The following ATP13A4 variants were observed in gnomAD, a reference collection of about 807,000 sequenced individuals.
ATP13A4 encodes ATPase 13A4.
Under a neutral mutation model 142.5 loss-of-function variants are expected in ATP13A4, and 114 were observed. That is an observed-to-expected ratio of 0.80 (90% CI 0.69 to 0.93). The LOEUF (loss-of-function observed/expected upper bound fraction) is 0.93, where lower values mean the gene tolerates loss of function less well. Among genes scored for constraint, ATP13A4 ranks in the 40% least tolerant of loss-of-function variants. The pLI, the probability that ATP13A4 is intolerant of heterozygous loss-of-function variation, is 0.00. For missense variants in ATP13A4, 1,392 were observed against 1,454.0 expected (o/e 0.96, Z 0.69); for synonymous variants, 488 against 514.8 (o/e 0.95, Z 0.70).
intron 2 of ATP13A4, among the ~76,000 whole-genome samples, chr3:193,509,092 G>A (rs1210319708): frequency 1.3e-5 from 2 of 151,838 alleles, no homozygotes; most frequent in African/African-American, 2.4e-5. Context: ...AAAAAGATTC[G>A]GGACTTAGAG....
chr3:193,399,527 G>C lies in ATP13A4; in HGVS notation c.*3125C>G, dbSNP rs1012318601. Reference sequence around the variant, plus strand: ...CCCTCCAGAGCCCATCCTCCCATGAGTGTCTGTCTGGTATTCTGTGTGGGT... The same window carrying C: ...CCCTCCAGAGCCCATCCTCCCATGACTGTCTGTCTGGTATTCTGTGTGGGT... On this transcript the variant is annotated 3_prime_UTR_variant, in exon 30 of 30. Coordinates refer to ENST00000342695, the MANE Select transcript of ATP13A4 (RefSeq NM_032279.4). Among the ~76,000 whole-genome samples the C allele has an allele frequency of 6.6e-6, 1 of 152,118 alleles. No individual in the cohort carries two copies. The highest frequency in any genetic ancestry group is 1.5e-5 in the Non-Finnish European group (1 of 68,026).
chr3:193,567,334 C>T (rs1010124863), intron 2 of ATP13A4, among the ~76,000 whole-genome samples: 1 of 152,052 alleles, frequency 6.6e-6, no homozygotes, highest in Non-Finnish European at 1.5e-5. Flanking sequence ...TACTTTATTC[C>T]CCTGTCTCTG....
intron 2 of ATP13A4, among the ~76,000 whole-genome samples, chr3:193,513,843 C>A (rs1021194293): frequency 6.6e-6 from 1 of 152,214 alleles, no homozygotes; most frequent in Non-Finnish European, 1.5e-5. Flanking sequence ...TGCTCCCCAC[C>A]CCTTCCCTTC....
chr3:193,421,803 CAATA>C (rs1715416754), intron 25 of ATP13A4, among the ~76,000 whole-genome samples: 1 of 149,026 alleles, frequency 6.7e-6, no homozygotes, highest in South Asian at 2.1e-4. Flanking sequence ...AATACACAAA[CAATA>C]AAGAGAAAGT....
intron 2 of ATP13A4, among the ~76,000 whole-genome samples, chr3:193,574,354 A>C (rs915544740): frequency 6.6e-6 from 1 of 152,160 alleles, no homozygotes; most frequent in East Asian, 1.9e-4. Flanking sequence ...TCTCTTCTTG[A>C]AACACTTTTT....
At chr3:193,496,821 A>AATAAATAAATAAATAT (rs1720257523) in intron 3 of ATP13A4, among the ~76,000 whole-genome samples, 1 of 150,960 alleles carries the variant, frequency 6.6e-6, no homozygotes, top group African/African-American at 2.4e-5. Flanking sequence ...TAAATAAATA[A>AATAAATAAATAAATAT]ATAAATAAAT....
intron 7 of ATP13A4, among the ~76,000 whole-genome samples, chr3:193,488,633 G>A (rs1171402939): frequency 1.3e-5 from 2 of 152,138 alleles, no homozygotes; most frequent in Non-Finnish European, 2.9e-5. Flanking sequence ...TCATGAGGGA[G>A]GAAGACATGT....
chr3:193,435,879 G>A, intron 23 of ATP13A4, 135 bp from the exon 24 acceptor site: 1 of 789,290 alleles, frequency 1.3e-6, no homozygotes, highest in East Asian at 2.7e-5. Context: ...AAAATGGACA[G>A]CCCTGAGCTC....
At chr3:193,579,408 T>A (rs1439587039) in intron 2 of ATP13A4, 1 of 208,718 alleles carries the variant, frequency 4.8e-6, no homozygotes, top group Non-Finnish European at 9.7e-6. Flanking sequence ...TCTTTTTCTT[T>A]CCCATTTTGG....
intron 1 of ATP13A4, among the ~76,000 whole-genome samples, chr3:193,586,475 T>A (rs1724673938): frequency 6.6e-6 from 1 of 152,358 alleles, no homozygotes. Context: ...CATTTAGGGC[T>A]ATGTCCCAGT....
At chr3:193,456,521 T>C (rs1014734408) in intron 16 of ATP13A4, among the ~76,000 whole-genome samples, 1 of 152,178 alleles carries the variant, frequency 6.6e-6, no homozygotes, top group Non-Finnish European at 1.5e-5. Flanking sequence ...GAAAGCCTTA[T>C]ATATGATCCT....
intron 25 of ATP13A4, among the ~76,000 whole-genome samples, chr3:193,419,559 G>T (rs13073240): frequency 0.19 from 25,860 of 137,816 alleles, 3,051 homozygotes; most frequent in South Asian, 0.27. Flanking sequence ...TCACTTCCCC[G>T]ACCCCCTATA....
chr3:193,505,945 C>A (rs1266173856), intron 2 of ATP13A4, among the ~76,000 whole-genome samples: 1 of 152,110 alleles, frequency 6.6e-6, no homozygotes, highest in Non-Finnish European at 1.5e-5. Flanking sequence ...GGAAGTAATA[C>A]CAAATTTCAT....
rs78347033 is a variant in ATP13A4, at chr3:193,483,981, C to T, written c.763G>A (p.Val255Ile). 34 of 1,609,822 alleles carry T rather than the reference C, an allele frequency of 2.1e-5. No individual in the cohort carries two copies. The highest frequency in any genetic ancestry group is 5.3e-5 in the African/African-American group (4 of 74,866). ...REQSVKLHHL[V>I]ESHNSITVSV... ...ACCGTAATGCTATTATGTGACTCGACGAGATGGTGGAGTTTTACAGATTGC... is the reference window on the plus strand; with the variant it reads ...ACCGTAATGCTATTATGTGACTCGATGAGATGGTGGAGTTTTACAGATTGC... Residue 255 changes from valine (V) to isoleucine (I), a missense_variant, in exon 8 of 30, where the codon GTC becomes ATC. Val to Ile is a conservative substitution (Grantham distance 29). Transcript: ENST00000342695.
chr3:193,590,726 A>C (rs1454763324), intron 1 of ATP13A4, among the ~76,000 whole-genome samples: 1 of 152,234 alleles, frequency 6.6e-6, no homozygotes, highest in Non-Finnish European at 1.5e-5. Context: ...AGCAAGATGG[A>C]GTCAACTATG....
intron 1 of ATP13A4, among the ~76,000 whole-genome samples, chr3:193,526,522 A>G (rs1244109012): frequency 6.6e-6 from 1 of 152,162 alleles, no homozygotes; most frequent in African/African-American, 2.4e-5. Flanking sequence ...TAAAACCTAG[A>G]TGACAGGTTG....
At chr3:193,557,960 T>A (rs1229234470), upstream of ATP13A4, among the ~76,000 whole-genome samples, 2 of 152,198 alleles carry the variant, frequency 1.3e-5, no homozygotes, top group Non-Finnish European at 2.9e-5. Context: ...CAGCATGGGC[T>A]GCATGAAGGA....
rs1271828414 is a variant in ATP13A4 at position 193,439,054 on chromosome 3, C to T, written c.2531G>A (p.Gly844Asp). The T allele has an allele frequency of 1.9e-6, 3 of 1,608,326 alleles. No individual in the cohort carries two copies. The highest frequency in any genetic ancestry group is 1.3e-5 in the African/African-American group (1 of 74,866). The change falls in exon 22 of 30, where the codon GGT becomes GAT. Residue 844 changes from glycine to aspartate, a missense_variant. By Grantham distance (94) the Gly-to-Asp change is moderately conservative. Coordinates refer to ENST00000342695, the MANE Select transcript of ATP13A4 (RefSeq NM_032279.4). ...GTCATTGGCTCCATCACCACACATACCTACAAAGTAACTAAGAGGGAACCA... is the reference window on the plus strand; with the variant it reads ...GTCATTGGCTCCATCACCACACATATCTACAAAGTAACTAAGAGGGAACCA... ...EEFQKLDYFV[G>D]MCGDGANDCG...
At chr3:193,450,113 CAAA>C (rs113643807) in intron 17 of ATP13A4, among the ~76,000 whole-genome samples, 2 of 95,068 alleles carry the variant, frequency 2.1e-5, no homozygotes, top group Non-Finnish European at 2.5e-5. Context: ...ACCTGTCTCA[CAAA>C]AAAAAAAAAA....
Sources: gnomAD v4.1 joint callset for allele counts (sites outside exome capture counted in the v4.1 genomes callset) on GRCh38, gnomAD v4.1.1 for gene constraint, MANE v1.5 for transcripts, NCBI Gene and HGNC (gene_info 2026-07-23, HGNC 2026-07-21) for gene names.